Variants in PRAC2 observed in about 807,000 individuals in gnomAD.
The protein encoded by PRAC2 is PRAC2 small nuclear protein, also known as protein PRAC2.
For missense variants in PRAC2, 92 were observed against 114.5 expected, an observed-to-expected ratio of 0.80 and a Z score of 0.90; for synonymous variants, 43 against 49.5, an observed-to-expected ratio of 0.87 and a Z score of 0.55.
At chr17:48,721,961 G>A, upstream of PRAC2, 1 of 1,434,818 alleles carries the variant, frequency 7.0e-7, no homozygotes, top group Non-Finnish European at 9.3e-7. Context: ...TATTAATTTT[G>A]CTTATGCCAG....
At chr17:48,719,016 C>A (rs574545394), upstream of PRAC2, among the ~76,000 whole-genome samples, 1 of 152,172 alleles carries the variant, frequency 6.6e-6, no homozygotes, top group Non-Finnish European at 1.5e-5. Context: ...GGACTCCCGG[C>A]TGGAAAGGAA....
At chr17:48,719,241 A>ACACACACACG (rs1003537481), upstream of PRAC2, among the ~76,000 whole-genome samples, 3 of 150,618 alleles carry the variant, frequency 2.0e-5, no homozygotes, top group African/African-American at 7.3e-5. Flanking sequence ...ACACACACAC[A>ACACACACACG]CACGCACACG....
At chr17:48,721,791 A>G (rs540494490), upstream of PRAC2, 147 of 1,526,638 alleles carry the variant, frequency 9.6e-5, no homozygotes, top group Non-Finnish European at 1.1e-5. Flanking sequence ...CTGGTCTGGA[A>G]CTCCTGTGCT....
upstream of PRAC2, among the ~76,000 whole-genome samples, chr17:48,721,489 C>G (rs1451167733): frequency 6.6e-6 from 1 of 152,128 alleles, no homozygotes. Context: ...CCATGCCCAG[C>G]TAATTGTTGT....
At chr17:48,722,559 T>C, upstream of PRAC2, 1 of 623,236 alleles carries the variant, frequency 1.6e-6, no homozygotes, top group Non-Finnish European at 2.9e-6. Context: ...CTGTAGAGTC[T>C]GGGGCGGGGC....
At chr17:48,721,615 A>G, upstream of PRAC2, 1 of 487,202 alleles carries the variant, frequency 2.1e-6, no homozygotes, top group South Asian at 6.2e-5. Context: ...ATGAGCCACT[A>G]TGCCTGGCCC....
At chr17:48,719,226 C>T (rs559049000), upstream of PRAC2, among the ~76,000 whole-genome samples, 1 of 151,988 alleles carries the variant, frequency 6.6e-6, no homozygotes, top group Admixed American at 6.5e-5. Context: ...CACACACACA[C>T]ACACACACAC....
chr17:48,721,123 C>T (rs2038141023), upstream of PRAC2, among the ~76,000 whole-genome samples: 1 of 152,082 alleles, frequency 6.6e-6, no homozygotes, highest in Non-Finnish European at 1.5e-5. Flanking sequence ...GTGCCCACCC[C>T]AAGACCAATG....
upstream of PRAC2, chr17:48,722,362 G>T (rs1343232842): frequency 6.2e-7 from 1 of 1,614,084 alleles, no homozygotes; most frequent in South Asian, 1.1e-5. Context: ...AGATGGGCCG[G>T]TCCTTGATCT....
At chr17:48,723,046 A>T (rs1597929089), upstream of PRAC2, 1 of 152,458 alleles carries the variant, frequency 6.6e-6, no homozygotes, top group Admixed American at 6.5e-5. Flanking sequence ...TCTACACAGA[A>T]CTAACTGGTA....
At chr17:48,722,660 CCTCCCCGCAAACCTCCGAAT>C, upstream of PRAC2, 1 of 468,566 alleles carries the variant, frequency 2.1e-6, no homozygotes, top group Non-Finnish European at 3.9e-6. Context: ...AGCCTCCTCG[CCTCCCCGCAAACCTCCGAAT>C]CTCCCTGGAC....
Position 48,724,587 on chromosome 17 carries a change from C to T in PRAC2, c.177C>T (p.Pro59=). 8.1e-7 allele frequency: 1 copy of T among 1,232,160 alleles called. No homozygotes were observed. The highest frequency in any genetic ancestry group is 1.5e-5 in the African/African-American group (1 of 64,528). The allele number at this position is 1,232,160 out of a possible 1,614,324, so 76.3% of individuals were successfully genotyped here. A position where few individuals can be genotyped will look rare whatever the true frequency, so the allele number is the denominator to read the frequency against. Residue 59 remains proline, a synonymous_variant, in exon 2 of 2, where the codon CCC becomes CCT. Coordinates refer to ENST00000422730, the MANE Select transcript of PRAC2 (RefSeq NM_001282275.2). The part of the protein sequence containing the change: ...PNGRRHRVLD[P]HTQLSTHEAP... The stretch of plus-strand genomic sequence containing the variant: ...GCAGGCGACATCGGGTCCTGGACCC[C>T]CACACGCAGCTCAGTACCCACGAGG...
In PRAC2 at chr17:48,724,708, C is replaced by A. The variant is rs965263972; in HGVS notation, c.*25C>A. The A allele has an allele frequency of 4.2e-6, 5 of 1,194,950 alleles. No homozygotes were observed. The highest frequency in any genetic ancestry group is 3.1e-5 in the African/African-American group (2 of 63,494). 74.0% of individuals were successfully genotyped at this position (1,194,950 alleles called of 1,614,324 possible). ...AGCCTCTGTCGGAAGGGGGCGCCCA[C>A]GTCTTTTTAATGGTCCTAACACACC... On this transcript the variant is annotated 3_prime_UTR_variant, in exon 2 of 2. Coordinates refer to ENST00000422730, the MANE Select transcript of PRAC2 (RefSeq NM_001282275.2).
chr17:48,722,140 C>G (rs1285192553), upstream of PRAC2, among the ~76,000 whole-genome samples: 2 of 152,030 alleles, frequency 1.3e-5, no homozygotes, highest in African/African-American at 4.8e-5. Context: ...CTCCAGGAAC[C>G]GCGAGTAGGT....
At chr17:48,723,645 G>T (rs372953223) in intron 1 of PRAC2, 2 of 1,171,456 alleles carry the variant, frequency 1.7e-6, no homozygotes, top group African/African-American at 3.2e-5. Flanking sequence ...CGGATTCTCG[G>T]CTGGCGGCGG....
At chr17:48,723,964 C>T (rs1357785261) in intron 1 of PRAC2, among the ~76,000 whole-genome samples, 1 of 152,244 alleles carries the variant, frequency 6.6e-6, no homozygotes, top group Non-Finnish European at 1.5e-5. Flanking sequence ...GTCTGGAGGG[C>T]AGCTCAGGGT....
upstream of PRAC2, among the ~76,000 whole-genome samples, chr17:48,720,192 G>T (rs1281763862): frequency 6.6e-6 from 1 of 152,216 alleles, no homozygotes; most frequent in East Asian, 1.9e-4. Context: ...GTGCCCGCCT[G>T]GATGAGGGTA....
chr17:48,722,042 C>A, upstream of PRAC2: 1 of 961,142 alleles, frequency 1.0e-6, no homozygotes, highest in Non-Finnish European at 1.5e-6. Context: ...TTCCCACTCC[C>A]AAGCCTCTCC....
chr17:48,719,241 A>G (rs28481424), upstream of PRAC2, among the ~76,000 whole-genome samples: 428 of 150,734 alleles, frequency 2.8e-3, 2 homozygotes, highest in African/African-American at 9.5e-3. Context: ...ACACACACAC[A>G]CACGCACACG....
Sources: allele counts gnomAD v4.1 joint callset (sites outside exome capture counted in the v4.1 genomes callset), GRCh38; gene constraint gnomAD v4.1.1; transcripts MANE v1.5; gene names NCBI Gene and HGNC (gene_info 2026-07-23, HGNC 2026-07-21).